Variants in VPS13D observed in about 807,000 individuals in gnomAD.
VPS13D encodes vacuolar protein sorting 13 homolog D.
In VPS13D, 187 loss-of-function variants were observed where a neutral mutation model predicts 461.9. That is an observed-to-expected ratio of 0.40 (90% CI 0.36 to 0.46). The LOEUF is 0.46. Ranked by LOEUF, VPS13D falls within the 20% of genes least tolerant of loss-of-function variation. The pLI is 0.60. For synonymous variants in VPS13D, 1,951 were observed against 1,986.3 expected (o/e 0.98, Z 0.47); for missense variants, 4,711 against 5,364.9 (o/e 0.88, Z 3.81).
intron 65 of VPS13D, among the ~76,000 whole-genome samples, chr1:12,427,967 T>C (rs755408603): frequency 2.6e-5 from 4 of 152,248 alleles, no homozygotes; most frequent in Non-Finnish European, 5.9e-5. Context: ...GCTATTTTTA[T>C]GAGGCATTTC....
chr1:12,507,847 G>A lies in VPS13D; in HGVS notation c.13035+754G>A, dbSNP rs576465628. The stretch of plus-strand genomic sequence containing the variant: ...CTGTCTCTGGCCAGTCGGCCCTGGA[G>A]GCTTGCCATGACACCCAGGTGTTAG... On this transcript the variant is annotated intron_variant, in intron 69 of 69. Coordinates refer to ENST00000620676, the MANE Select transcript of VPS13D (RefSeq NM_015378.4). This position sits in a 1 kb window ranked among gnomAD's most constrained non-coding sequence, Gnocchi z 5.3. Among the ~76,000 whole-genome samples the A allele has an allele frequency of 1.3e-5, 2 of 152,364 alleles. No homozygotes were observed. Among genetic ancestry groups the A allele is most frequent in the South Asian group, 4.1e-4 (2 of 4,828 alleles).
intron 47 of VPS13D, among the ~76,000 whole-genome samples, chr1:12,355,322 A>C (rs1304672394): frequency 6.6e-6 from 1 of 152,234 alleles, no homozygotes; most frequent in African/African-American, 2.4e-5. Flanking sequence ...GAATGAAGTC[A>C]AAGTAGAGAA....
intron 57 of VPS13D, among the ~76,000 whole-genome samples, chr1:12,379,981 G>A (rs1644251727): frequency 1.3e-5 from 2 of 152,104 alleles, no homozygotes; most frequent in African/African-American, 4.8e-5. Flanking sequence ...ATGTTAGCCA[G>A]GATGGTCTCG....
chr1:12,381,825 G>A (rs933027963), intron 57 of VPS13D, among the ~76,000 whole-genome samples: 3 of 152,216 alleles, frequency 2.0e-5, no homozygotes, highest in African/African-American at 7.2e-5. Flanking sequence ...TCTGGAGGCT[G>A]CCTGATTTGT....
intron 67 of VPS13D, among the ~76,000 whole-genome samples, chr1:12,475,436 A>T (rs540189030): frequency 1.3e-5 from 2 of 152,314 alleles, no homozygotes; most frequent in Admixed American, 1.3e-4. Flanking sequence ...GCCATCAGGG[A>T]GGAAGCTGGA....
In VPS13D at chr1:12,508,969, A is replaced by G; in HGVS notation, c.13112A>G (p.Gln4371Arg). 1 of 1,614,218 alleles carries G rather than the reference A, an allele frequency of 6.2e-7. No homozygotes were observed. Among genetic ancestry groups the G allele is most frequent in the Non-Finnish European group, 8.5e-7 (1 of 1,180,036 alleles). ...INYAKSLYYE[Q>R]QLMLRLSENR... ...TACGCAAAGAGCCTCTACTATGAACAGCAGCTTATGTTAAGACTCAGCGAA... is the reference window on the plus strand; with the variant it reads ...TACGCAAAGAGCCTCTACTATGAACGGCAGCTTATGTTAAGACTCAGCGAA... Residue 4371 changes from glutamine (Q) to arginine (R), a missense_variant, in exon 70 of 70, where the codon CAG becomes CGG. Around this residue, in one of 3 missense-constraint regions of VPS13D, gnomAD observed 194 missense variants for 220.9 expected, o/e 0.88. Transcript: ENST00000620676.
Position 12,499,750 on chromosome 1 carries a change from T to C in VPS13D, c.12794+2119T>C, listed in dbSNP as rs1033727771. 9.1e-6 allele frequency: 9 copies of C among 985,240 alleles called. No homozygotes were observed. In the African/African-American group the frequency reaches 1.2e-4, roughly 13 times the overall value. 61.0% of individuals were successfully genotyped at this position (985,240 alleles called of 1,614,324 possible). On this transcript the variant is annotated intron_variant, in intron 68 of 69. Transcript: ENST00000620676. ...GGCACGTGACCACGGCCTTCCCAAG[T>C]GTACAAGGAAGAAGCCATCAGGGAG...
rs369267836 is a variant in VPS13D, at chr1:12,329,774, G to A, written c.8198-55G>A. 5,499 of 1,371,686 alleles carry A rather than the reference G, an allele frequency of 4.0e-3. 12 individuals carry two copies. The highest frequency in any genetic ancestry group is 5.2e-3 in the Non-Finnish European group (5,031 of 964,030). The allele number at this position is 1,371,686 out of a possible 1,614,324, so 85.0% of individuals were successfully genotyped here. A position where few individuals can be genotyped will look rare whatever the true frequency, so the allele number is the denominator to read the frequency against. ...TGTTTCTTTAATGTCATCAGCAAAAGGCAGTTTTGGTTGCTCCTGCCCTGC... is the reference window on the plus strand; with the variant it reads ...TGTTTCTTTAATGTCATCAGCAAAAAGCAGTTTTGGTTGCTCCTGCCCTGC... On this transcript the variant is annotated intron_variant, in intron 36 of 69. Transcript: ENST00000620676.
At chr1:12,356,342 A>T (rs1643885647) in intron 48 of VPS13D, 56 bp from the exon 49 acceptor site, 3 of 1,558,036 alleles carry the variant, frequency 1.9e-6, no homozygotes, top group Non-Finnish European at 2.6e-6. Flanking sequence ...CACCATTTGC[A>T]TCTCTTTCAG....
chr1:12,253,964 A>G, intron 7 of VPS13D, 138 bp downstream of exon 7: 1 of 663,568 alleles, frequency 1.5e-6, no homozygotes, highest in Non-Finnish European at 2.6e-6. Context: ...ATTCACTCTC[A>G]AGTGTGTTTG....
In VPS13D at chr1:12,258,074, A is replaced by AAATATTTCAAC; in HGVS notation, c.1083_1084insTATTTCAACAA (p.Gly362TyrfsTer28). The AAATATTTCAAC allele has an allele frequency of 6.2e-7, 1 of 1,614,204 alleles. No individual in the cohort carries two copies. The highest frequency in any genetic ancestry group is 8.5e-7 in the Non-Finnish European group (1 of 1,180,052). ...CACTGACAAATATTTCAACAAGTTA[A>AAATATTTCAAC]AAGGAGGCCTGCTGTCCACAGATGA... On this transcript the variant is annotated frameshift_variant, in exon 10 of 70. Coordinates refer to ENST00000620676, the MANE Select transcript of VPS13D (RefSeq NM_015378.4). LOFTEE classifies it high-confidence loss of function.
At chr1:12,248,776 A>G (rs1640640099) in intron 5 of VPS13D, among the ~76,000 whole-genome samples, 1 of 152,156 alleles carries the variant, frequency 6.6e-6, no homozygotes, top group South Asian at 2.1e-4. Flanking sequence ...AGATGTGGGG[A>G]CATAGAGGCA....
chr1:12,323,492 A>G (rs1470060293), intron 34 of VPS13D, among the ~76,000 whole-genome samples: 1 of 151,258 alleles, frequency 6.6e-6, no homozygotes, highest in African/African-American at 2.4e-5. Flanking sequence ...CCTGGCCAGG[A>G]CACCACTTTA....
intron 42 of VPS13D, among the ~76,000 whole-genome samples, chr1:12,344,061 A>G (rs1474988103): frequency 6.6e-6 from 1 of 152,240 alleles, no homozygotes; most frequent in African/African-American, 2.4e-5. Flanking sequence ...TGAATGTGAG[A>G]AAATGTTCTA....
chr1:12,474,929 A>T (rs1299275609), intron 67 of VPS13D, among the ~76,000 whole-genome samples: 1 of 152,222 alleles, frequency 6.6e-6, no homozygotes, highest in African/African-American at 2.4e-5. Context: ...AAACCCTATT[A>T]AAGCCCAATA....
chr1:12,321,745 G>C lies in VPS13D; in HGVS notation c.7549-64G>C, dbSNP rs368170027. ...ACTGCTTCTGAGATAGCCTCTTTGT[G>C]CTGGTAGTTGGACCCTTCCTAAATC... On this transcript the variant is annotated intron_variant, in intron 32 of 69. Coordinates refer to ENST00000620676, the MANE Select transcript of VPS13D (RefSeq NM_015378.4). 2.0e-6 allele frequency: 3 copies of C among 1,520,702 alleles called. No homozygotes were observed. The African/African-American group carries it at 4.2e-5, about 21-fold the overall frequency. The allele number at this position is 1,520,702 out of a possible 1,614,324, so 94.2% of individuals were successfully genotyped here. A position where few individuals can be genotyped will look rare whatever the true frequency, so the allele number is the denominator to read the frequency against.
At chr1:12,478,968 T>C in intron 67 of VPS13D, 1 of 448,910 alleles carries the variant, frequency 2.2e-6, no homozygotes, top group Non-Finnish European at 4.5e-6. Context: ...TAGCCTTGCT[T>C]TCTGGCCTTC....
At position 12,304,737 on chromosome 1, in the gene VPS13D, G is replaced by T. The variant is rs1642515410; in HGVS notation, c.6439+9G>T. 1 of 1,613,480 alleles carries T rather than the reference G, an allele frequency of 6.2e-7. No individual in the cohort carries two copies. Among genetic ancestry groups the T allele is most frequent in the African/African-American group, 1.3e-5 (1 of 74,914 alleles). On this transcript the variant is annotated intron_variant, in intron 26 of 69. Coordinates refer to ENST00000620676, the MANE Select transcript of VPS13D (RefSeq NM_015378.4). ...AGAGTCCAGTAGTCCAGGTAAAAGA[G>T]GAGAAAAGCAACATAATACTGAAGG...
At chr1:12,427,755 G>T (rs1421469445) in intron 65 of VPS13D, among the ~76,000 whole-genome samples, 1 of 152,144 alleles carries the variant, frequency 6.6e-6, no homozygotes, top group African/African-American at 2.4e-5. Flanking sequence ...GATACTGAGG[G>T]ACAGCTGTAC....
Sources: allele counts gnomAD v4.1 joint callset (sites outside exome capture counted in the v4.1 genomes callset), GRCh38; gene constraint gnomAD v4.1.1; regional missense constraint gnomAD v4.1.1; non-coding constraint Gnocchi (gnomAD v3.1); transcripts MANE v1.5; gene names NCBI Gene and HGNC (gene_info 2026-07-23, HGNC 2026-07-21).